FSTL4: variants seen among roughly 807,000 people sequenced by gnomAD.
FSTL4 encodes follistatin-related protein 4.
A neutral mutation model predicts 78.2 loss-of-function variants in FSTL4; 28 were observed. The observed-to-expected ratio is 0.36, with a 90% CI of 0.27 to 0.49. The LOEUF is 0.49. Among genes scored for constraint, FSTL4 ranks in the 20% least tolerant of loss-of-function variants. The probability of loss-of-function intolerance (pLI) is 0.98; values close to 1 mark genes in which losing one functional copy is unlikely to be tolerated. For missense variants in FSTL4, 922 were observed against 1,084.9 expected, an observed-to-expected ratio of 0.85 and a Z score of 2.11; for synonymous variants, 422 against 440.5, an observed-to-expected ratio of 0.96 and a Z score of 0.53.
intron 3 of FSTL4, among the ~76,000 whole-genome samples, chr5:133,420,040 G>T (rs995959611): frequency 1.3e-5 from 2 of 152,166 alleles, no homozygotes; most frequent in Non-Finnish European, 2.9e-5. Context: ...AACAAACTGT[G>T]ATATAGTCAT....
intron 3 of FSTL4, among the ~76,000 whole-genome samples, chr5:133,551,738 T>C (rs1759695241): frequency 6.6e-6 from 1 of 152,250 alleles, no homozygotes; most frequent in Non-Finnish European, 1.5e-5. Context: ...GTGGACCAAA[T>C]ATATAAATTA....
intron 3 of FSTL4, among the ~76,000 whole-genome samples, chr5:133,481,327 G>A (rs1758023204): frequency 6.6e-6 from 1 of 152,102 alleles, no homozygotes. Flanking sequence ...GATCACTTGA[G>A]GCCAGGAGTT....
At chr5:133,740,933 CTGGATGGA>C in the FSTL4 span, among the ~76,000 whole-genome samples, 5,365 of 148,918 alleles carry the variant, frequency 0.036, 305 homozygotes, top group African/African-American at 0.12. Flanking sequence ...AAGTCAGCCT[CTGGATGGA>C]TGGATGGATG....
In FSTL4 at chr5:133,233,445, C is replaced by T. The variant is rs746024017; in HGVS notation, c.987G>A (p.Leu329=). 24 of 1,614,212 alleles carry T rather than the reference C, an allele frequency of 1.5e-5. No homozygotes were observed. The highest frequency in any genetic ancestry group is 1.6e-5 in the Non-Finnish European group (19 of 1,180,036). Residue 329 remains leucine (L), a synonymous_variant, in exon 8 of 16, where the codon CTG becomes CTA. Coordinates refer to ENST00000265342, the MANE Select transcript of FSTL4 (RefSeq NM_015082.2). ...TCACCTGCAGGACGTGGGTCTGGAA[C>T]AGCTGCTCGTGGCCGGAAGCATGGC... is the stretch of plus-strand genomic sequence containing the variant. ...YTCHASGHEQ[L]FQTHVLQVNV... is the part of the protein sequence containing the mutation.
At chr5:133,229,514 C>A (rs1408102902) in intron 8 of FSTL4, among the ~76,000 whole-genome samples, 1 of 150,776 alleles carries the variant, frequency 6.6e-6, no homozygotes, top group African/African-American at 2.5e-5. Context: ...CTGAGGGAGA[C>A]CTTGTCTTAA....
chr5:133,315,389 T>G (rs1341439086), intron 5 of FSTL4, among the ~76,000 whole-genome samples: 2 of 152,176 alleles, frequency 1.3e-5, no homozygotes, highest in African/African-American at 4.8e-5. Flanking sequence ...AACAACGAAC[T>G]CTTCTGTGTT....
intron 3 of FSTL4, among the ~76,000 whole-genome samples, chr5:133,520,868 T>C (rs1420705590): frequency 2.0e-5 from 3 of 151,972 alleles, no homozygotes; most frequent in Admixed American, 6.6e-5. Context: ...TCTGAATCAC[T>C]GGAAAAGCTG....
the FSTL4 span, among the ~76,000 whole-genome samples, chr5:133,800,368 C>T: frequency 1.4e-5 from 2 of 138,324 alleles, 1 homozygote; most frequent in Non-Finnish European, 3.2e-5. Context: ...CCATAGGCGA[C>T]ATTGGAAGAA....
intron 4 of FSTL4, among the ~76,000 whole-genome samples, chr5:133,327,759 T>C (rs746643705): frequency 6.6e-6 from 1 of 152,164 alleles, no homozygotes; most frequent in Non-Finnish European, 1.5e-5. Context: ...GCAGCTGAGT[T>C]TGCGGCTGAA....
the FSTL4 span, among the ~76,000 whole-genome samples, chr5:133,803,111 C>T: frequency 1.6e-4 from 24 of 152,286 alleles, no homozygotes; most frequent in Admixed American, 1.4e-3. Flanking sequence ...GAGAGAAAGA[C>T]CATCATTTGT....
At chr5:133,689,050 G>A in the FSTL4 span, among the ~76,000 whole-genome samples, 4 of 152,148 alleles carry the variant, frequency 2.6e-5, no homozygotes, top group African/African-American at 7.2e-5. Context: ...TCCCCAAGCA[G>A]GGCCCTGCAG....
At chr5:133,270,587 T>G (rs997454850) in intron 6 of FSTL4, among the ~76,000 whole-genome samples, 1 of 152,254 alleles carries the variant, frequency 6.6e-6, no homozygotes, top group Non-Finnish European at 1.5e-5. Flanking sequence ...GACAAAGTCC[T>G]GATTGCTTCT....
At chr5:133,769,432 C>T in the FSTL4 span, among the ~76,000 whole-genome samples, 1 of 152,212 alleles carries the variant, frequency 6.6e-6, no homozygotes, top group African/African-American at 2.4e-5. Context: ...GACCATATGA[C>T]GCCAATGTCT....
the FSTL4 span, among the ~76,000 whole-genome samples, chr5:133,759,062 A>G: frequency 6.6e-6 from 1 of 152,234 alleles, no homozygotes; most frequent in Non-Finnish European, 1.5e-5. Context: ...TCCAATTCAC[A>G]TTCAACGGGA....
chr5:133,343,616 G>GT (rs1754635533), intron 4 of FSTL4, among the ~76,000 whole-genome samples: 1 of 152,322 alleles, frequency 6.6e-6, no homozygotes, highest in South Asian at 2.1e-4. Context: ...TTGAAAAAAA[G>GT]TTTTTTATAG....
chr5:133,519,876 A>C lies in FSTL4; in HGVS notation c.160+47310T>G, dbSNP rs180962789. Among the ~76,000 whole-genome samples the C allele has an allele frequency of 4.6e-5, 7 of 152,302 alleles. No homozygotes were observed. In the East Asian group the frequency reaches 1.3e-3, roughly 29 times the overall value. ...TCTAATGACAATACTTAGGCAGGAG[A>C]TGTAGGTGTCACCCTAGCAAGGCGA... On this transcript the variant is annotated intron_variant, in intron 3 of 15. Transcript: ENST00000265342.
the FSTL4 span, among the ~76,000 whole-genome samples, chr5:133,777,399 T>C: frequency 1.3e-5 from 2 of 152,262 alleles, no homozygotes; most frequent in African/African-American, 4.8e-5. Flanking sequence ...CATTTCTCTG[T>C]ATTTAACAAC....
the FSTL4 span, among the ~76,000 whole-genome samples, chr5:133,652,173 C>T: frequency 6.6e-6 from 1 of 151,766 alleles, no homozygotes; most frequent in Non-Finnish European, 1.5e-5. Context: ...AGGCTTATCA[C>T]TTTCATTAGT....
At chr5:133,662,216 T>C in the FSTL4 span, among the ~76,000 whole-genome samples, 3 of 152,226 alleles carry the variant, frequency 2.0e-5, no homozygotes, top group Admixed American at 6.5e-5. Context: ...GGCAATGCTA[T>C]AAATAGATAA....
Sources: gnomAD v4.1 joint callset for allele counts (sites outside exome capture counted in the v4.1 genomes callset) on GRCh38, gnomAD v4.1.1 for gene constraint, MANE v1.5 for transcripts, NCBI Gene and HGNC (gene_info 2026-07-23, HGNC 2026-07-21) for gene names.